The following LRMDA variants were observed in gnomAD, a reference collection of about 807,000 sequenced individuals.
LRMDA encodes the protein leucine rich melanocyte differentiation associated.
A neutral mutation model predicts 29.8 loss-of-function variants in LRMDA; 18 were observed. That is an observed-to-expected ratio of 0.60 (90% CI 0.42 to 0.90). The LOEUF (loss-of-function observed/expected upper bound fraction) is 0.90, where lower values mean the gene tolerates loss of function less well. Among genes scored for constraint, LRMDA ranks in the 40% least tolerant of loss-of-function variants. The probability of loss-of-function intolerance (pLI) is 0.00; values close to 1 mark genes in which losing one functional copy is unlikely to be tolerated. For synonymous variants in LRMDA, 125 were observed against 109.4 expected, an observed-to-expected ratio of 1.14 and a Z score of -0.89; for missense variants, 273 against 273.9, an observed-to-expected ratio of 1.00 and a Z score of 0.02.
At chr10:75,710,897 ACAC>A (rs1469816390) in intron 2 of LRMDA, among the ~76,000 whole-genome samples, 1 of 152,268 alleles carries the variant, frequency 6.6e-6, no homozygotes, top group Non-Finnish European at 1.5e-5. Flanking sequence ...CTGAACAGAG[ACAC>A]CAAAACTTAA....
At chr10:75,782,234 A>G (rs1293720428) in intron 2 of LRMDA, among the ~76,000 whole-genome samples, 3 of 152,294 alleles carry the variant, frequency 2.0e-5, no homozygotes, top group Non-Finnish European at 2.9e-5. Flanking sequence ...TTTGCATTTA[A>G]GAAATAAAAA....
At chr10:76,539,746 A>G (rs1843332153) in intron 6 of LRMDA, among the ~76,000 whole-genome samples, 2 of 152,170 alleles carry the variant, frequency 1.3e-5, no homozygotes, top group Non-Finnish European at 2.9e-5. Flanking sequence ...TTTAAAATCA[A>G]TAGAGAAAAG....
rs557448329 is a variant in LRMDA, at chr10:75,753,822, C to T, written c.132-282186C>T. 9.2e-5 allele frequency among the ~76,000 whole-genome samples: 14 copies of T among 151,636 alleles called. No individual in the cohort carries two copies. The South Asian group carries it at 2.9e-3, about 31-fold the overall frequency. ...AAGTGGGGTAAGGGGGTCCAGTTAG[C>T]ACAGTCATTGTGGTGGTCATGGGAT... On this transcript the variant is annotated intron_variant, in intron 2 of 6. Coordinates refer to ENST00000611255, the MANE Select transcript of LRMDA (RefSeq NM_001305581.2).
At chr10:75,754,013 G>A (rs748546973) in intron 2 of LRMDA, among the ~76,000 whole-genome samples, 30 of 152,256 alleles carry the variant, frequency 2.0e-4, no homozygotes, top group Non-Finnish European at 4.1e-4. Flanking sequence ...GCTATGGGAA[G>A]GCAAGGTTCC....
chr10:75,822,318 CACAA>C (rs1182010346), intron 2 of LRMDA, among the ~76,000 whole-genome samples: 1 of 152,006 alleles, frequency 6.6e-6, no homozygotes, highest in African/African-American at 2.4e-5. Flanking sequence ...TCATAGATGA[CACAA>C]ACAAATAGAA....
chr10:75,700,862 G>C (rs990653065), intron 2 of LRMDA, among the ~76,000 whole-genome samples: 1 of 152,124 alleles, frequency 6.6e-6, no homozygotes, highest in African/African-American at 2.4e-5. Context: ...GCTGATAGTA[G>C]GGCTTAGCTG....
At chr10:76,076,644 G>A (rs116261660) in intron 5 of LRMDA, among the ~76,000 whole-genome samples, 287 of 152,148 alleles carry the variant, frequency 1.9e-3, no homozygotes, top group African/African-American at 6.7e-3. Flanking sequence ...TCGAACTTGG[G>A]CCTCCTCTTG....
chr10:75,662,856 A>C (rs1841772308), intron 2 of LRMDA, among the ~76,000 whole-genome samples: 1 of 152,116 alleles, frequency 6.6e-6, no homozygotes, highest in South Asian at 2.1e-4. Context: ...GAAAGACATA[A>C]CTCACTTTTC....
chr10:75,534,341 G>A (rs754531051), intron 2 of LRMDA, among the ~76,000 whole-genome samples: 1 of 152,322 alleles, frequency 6.6e-6, no homozygotes, highest in East Asian at 1.9e-4. Flanking sequence ...GGGACTTGCT[G>A]TCATGTGGTG....
chr10:76,491,146 G>A (rs1170396407), intron 6 of LRMDA, among the ~76,000 whole-genome samples: 3 of 151,670 alleles, frequency 2.0e-5, no homozygotes, highest in African/African-American at 7.3e-5. Flanking sequence ...TTGAAAAGTT[G>A]TTGTAGTTAT....
rs769054609 is a variant in LRMDA at position 76,445,467 on chromosome 10, G to C, written c.602-111742G>C. On this transcript the variant is annotated intron_variant, in intron 6 of 6. Coordinates refer to ENST00000611255, the MANE Select transcript of LRMDA (RefSeq NM_001305581.2). ...TGACCCTGCAGATGCAGGGCATCAC[G>C]GATGTTTATTTGTCTGTTACCTAAA... Among the ~76,000 whole-genome samples, 3 of 152,246 alleles carry C rather than the reference G, an allele frequency of 2.0e-5. No individual in the cohort carries two copies. In the East Asian group the frequency reaches 5.8e-4, roughly 29 times the overall value.
intron 2 of LRMDA, among the ~76,000 whole-genome samples, chr10:75,476,480 G>T (rs1179767572): frequency 2.6e-5 from 4 of 152,192 alleles, no homozygotes; most frequent in Non-Finnish European, 4.4e-5. Context: ...GTTCACCTCT[G>T]AGTTCATGTT....
chr10:75,823,131 A>G (rs1844189916), intron 2 of LRMDA, among the ~76,000 whole-genome samples: 2 of 152,234 alleles, frequency 1.3e-5, no homozygotes, highest in Non-Finnish European at 2.9e-5. Flanking sequence ...TAATTAAACC[A>G]AAAAGCTTAT....
chr10:75,961,738 G>T (rs920267144), intron 2 of LRMDA, among the ~76,000 whole-genome samples: 9 of 152,186 alleles, frequency 5.9e-5, no homozygotes, highest in Non-Finnish European at 1.3e-4. Context: ...CTCTAAAGTT[G>T]CATTAATTTG....
At position 76,142,468 on chromosome 10, in the gene LRMDA, T is replaced by C. The variant is rs192324161; in HGVS notation, c.516+83685T>C. On this transcript the variant is annotated intron_variant, in intron 5 of 6. Transcript: ENST00000611255. ...TTTATGTACCTAAATAATATATTGC[T>C]TAGTTTGGGGCTGTTTAAAACTTTG... Among the ~76,000 whole-genome samples, 189 of 152,072 alleles carry C rather than the reference T, an allele frequency of 1.2e-3. 2 individuals are homozygous for C. Among genetic ancestry groups the C allele is most frequent in the African/African-American group, 4.3e-3 (180 of 41,508 alleles).
At chr10:76,515,409 T>C (rs1843049813) in intron 6 of LRMDA, among the ~76,000 whole-genome samples, 1 of 152,344 alleles carries the variant, frequency 6.6e-6, no homozygotes, top group East Asian at 1.9e-4. Flanking sequence ...ACCTCGAATT[T>C]AGTGGTGTAA....
intron 2 of LRMDA, among the ~76,000 whole-genome samples, chr10:75,897,810 T>A (rs1564600490): frequency 6.9e-6 from 1 of 145,296 alleles, no homozygotes; most frequent in Non-Finnish European, 1.5e-5. Context: ...AAAGCACTTC[T>A]TCCTGCCTTT....
At chr10:76,407,143 A>G (rs984140248) in intron 6 of LRMDA, among the ~76,000 whole-genome samples, 21 of 152,188 alleles carry the variant, frequency 1.4e-4, no homozygotes, top group Admixed American at 1.2e-3. Context: ...TGAAGGGTGC[A>G]CAGAACAGGG....
intron 2 of LRMDA, among the ~76,000 whole-genome samples, chr10:75,909,221 A>C (rs1845806134): frequency 6.6e-6 from 1 of 152,228 alleles, no homozygotes; most frequent in South Asian, 2.1e-4. Context: ...AGGGAGGAGA[A>C]CCCAAAGAAG....
Sources: allele counts gnomAD v4.1 joint callset (sites outside exome capture counted in the v4.1 genomes callset), GRCh38; gene constraint gnomAD v4.1.1; transcripts MANE v1.5; gene names NCBI Gene and HGNC (gene_info 2026-07-23, HGNC 2026-07-21).